Variants in NELL1 observed in about 807,000 individuals in gnomAD.
The protein encoded by NELL1 is protein kinase C-binding protein NELL1.
NELL1 carries 76 observed loss-of-function variants against 107.4 expected under a neutral mutation model. The ratio of observed to expected loss-of-function variants is 0.71; its 90% confidence interval spans 0.59 to 0.86. NELL1 has a LOEUF of 0.86. Ranked by LOEUF, NELL1 falls within the 40% of genes least tolerant of loss-of-function variation. The pLI is 0.00. For missense variants in NELL1, 1,024 were observed against 1,005.5 expected, an observed-to-expected ratio of 1.02 and a Z score of -0.25; for synonymous variants, 353 against 341.2, an observed-to-expected ratio of 1.03 and a Z score of -0.38.
intron 12 of NELL1, among the ~76,000 whole-genome samples, chr11:21,105,638 T>C (rs1351045084): frequency 1.3e-5 from 2 of 152,118 alleles, no homozygotes; most frequent in Non-Finnish European, 2.9e-5. Context: ...TGCAGCTCGA[T>C]TTTATGGGTT....
At chr11:21,010,438 A>G (rs1182254427) in intron 12 of NELL1, among the ~76,000 whole-genome samples, 1 of 152,106 alleles carries the variant, frequency 6.6e-6, no homozygotes, top group East Asian at 1.9e-4. Context: ...TGGAAGCTTC[A>G]GGTGAGGTTT....
At chr11:20,895,306 A>G (rs1212912317) in intron 5 of NELL1, among the ~76,000 whole-genome samples, 8 of 127,870 alleles carry the variant, frequency 6.3e-5, no homozygotes, top group African/African-American at 2.8e-4. Flanking sequence ...AAAAAAAAAA[A>G]AAAAAAAAGA....
chr11:20,910,937 T>A (rs1468045848), intron 5 of NELL1, among the ~76,000 whole-genome samples: 1 of 152,232 alleles, frequency 6.6e-6, no homozygotes. Context: ...CATGTCTCCA[T>A]CCCTTTTTAG....
chr11:21,337,751 T>TCTTA (rs1491410740), intron 14 of NELL1, among the ~76,000 whole-genome samples: 1 of 134,948 alleles, frequency 7.4e-6, no homozygotes, highest in Admixed American at 7.3e-5. Flanking sequence ...TTTCTTTCTT[T>TCTTA]CTTTCTTTCT....
At chr11:21,090,592 A>G (rs1854498486) in intron 12 of NELL1, among the ~76,000 whole-genome samples, 1 of 152,144 alleles carries the variant, frequency 6.6e-6, no homozygotes, top group African/African-American at 2.4e-5. Context: ...TGAGCAAGAC[A>G]AATTAGGAGG....
chr11:21,148,286 A>G (rs1856031947), intron 13 of NELL1, among the ~76,000 whole-genome samples: 1 of 152,222 alleles, frequency 6.6e-6, no homozygotes, highest in South Asian at 2.1e-4. Context: ...CATATGAATG[A>G]AGAAGGCTTC....
At chr11:21,330,646 C>T (rs1203719583) in intron 14 of NELL1, among the ~76,000 whole-genome samples, 3 of 151,744 alleles carry the variant, frequency 2.0e-5, no homozygotes, top group African/African-American at 7.3e-5. Flanking sequence ...TTGCTGTTTT[C>T]CTGATTTTCT....
rs146409314 is a variant in NELL1 at position 20,824,830 on chromosome 11, A to G, written c.336-22753A>G. On this transcript the variant is annotated intron_variant, in intron 3 of 19. Transcript: ENST00000357134. ...GAGGAAGCAGAACATAAAAGTTTGG[A>G]AAGTTTGTAGACTGACAATGCGATA... is the stretch of plus-strand genomic sequence containing the variant. 1.9e-3 allele frequency among the ~76,000 whole-genome samples: 285 copies of G among 151,532 alleles called. 2 individuals are homozygous for G. Among genetic ancestry groups the G allele is most frequent in the African/African-American group, 6.3e-3 (262 of 41,488 alleles).
chr11:21,037,740 C>CT lies in NELL1; in HGVS notation c.1301-75842dup, dbSNP rs926010017. Among the ~76,000 whole-genome samples, 9 of 152,192 alleles carry CT rather than the reference C, an allele frequency of 5.9e-5. No homozygotes were observed. The East Asian group carries it at 1.2e-3, about 20-fold the overall frequency. ...TATCTCTCTTTTCAGTCCCTCCCTCCTTTTTTTGACCCCTGCAAACTTCCC... is the reference window on the plus strand; with the variant it reads ...TATCTCTCTTTTCAGTCCCTCCCTCCTTTTTTTTGACCCCTGCAAACTTCCC... On this transcript the variant is annotated intron_variant, in intron 12 of 19. Transcript: ENST00000357134.
intron 3 of NELL1, among the ~76,000 whole-genome samples, chr11:20,790,599 G>T (rs1232848873): frequency 6.6e-6 from 1 of 152,142 alleles, no homozygotes; most frequent in East Asian, 1.9e-4. Flanking sequence ...GGAGGCCTGG[G>T]TCTGCAGCCA....
chr11:20,990,321 C>A (rs149270378), intron 12 of NELL1, among the ~76,000 whole-genome samples: 14 of 152,256 alleles, frequency 9.2e-5, no homozygotes, highest in Middle Eastern at 3.4e-3. Context: ...GCCTCTGTAG[C>A]CTCTTACTGC....
At chr11:20,731,475 A>G (rs1441718588) in intron 2 of NELL1, among the ~76,000 whole-genome samples, 1 of 152,212 alleles carries the variant, frequency 6.6e-6, no homozygotes, top group Non-Finnish European at 1.5e-5. Context: ...GAGTGTGTGC[A>G]TTAAAGGTGG....
intron 12 of NELL1, among the ~76,000 whole-genome samples, chr11:20,981,381 A>T (rs1216767557): frequency 6.6e-6 from 1 of 152,184 alleles, no homozygotes; most frequent in Non-Finnish European, 1.5e-5. Context: ...TGGGTATGAC[A>T]GAAAAGAGTT....
intron 3 of NELL1, among the ~76,000 whole-genome samples, chr11:20,835,465 A>G (rs768911559): frequency 6.6e-6 from 1 of 152,194 alleles, no homozygotes; most frequent in South Asian, 2.1e-4. Flanking sequence ...GTTGTAGATA[A>G]GTGAGTGATT....
At chr11:20,864,319 A>G (rs1849055162) in intron 4 of NELL1, among the ~76,000 whole-genome samples, 1 of 152,198 alleles carries the variant, frequency 6.6e-6, no homozygotes, top group Non-Finnish European at 1.5e-5. Flanking sequence ...TGGTAAGAAC[A>G]CAACATCTCT....
chr11:20,885,233 C>A (rs934744325), intron 4 of NELL1, among the ~76,000 whole-genome samples: 2 of 152,172 alleles, frequency 1.3e-5, no homozygotes, highest in African/African-American at 4.8e-5. Context: ...TTCCTCCCTC[C>A]CCTGCCAAAA....
chr11:20,693,797 G>A (rs1590210381), intron 2 of NELL1, among the ~76,000 whole-genome samples: 3 of 151,780 alleles, frequency 2.0e-5, no homozygotes, highest in Admixed American at 1.3e-4. Flanking sequence ...TATCTTTGTG[G>A]CGTTCTCTGT....
intron 15 of NELL1, among the ~76,000 whole-genome samples, chr11:21,528,558 G>C (rs1274240915): frequency 7.8e-6 from 1 of 127,582 alleles, no homozygotes; most frequent in African/African-American, 3.1e-5. Flanking sequence ...AGCAGGCTGA[G>C]ACCACCACCA....
chr11:21,122,629 G>A (rs1855395526), intron 13 of NELL1, among the ~76,000 whole-genome samples: 1 of 152,066 alleles, frequency 6.6e-6, no homozygotes, highest in African/African-American at 2.4e-5. Flanking sequence ...TTAAAGTCTA[G>A]TGTATAAATT....
Sources: gnomAD v4.1 joint callset for allele counts (sites outside exome capture counted in the v4.1 genomes callset) on GRCh38, gnomAD v4.1.1 for gene constraint, MANE v1.5 for transcripts, NCBI Gene and HGNC (gene_info 2026-07-23, HGNC 2026-07-21) for gene names.